Variants in HPD observed in about 807,000 individuals in gnomAD.
The protein encoded by HPD is 4-hydroxyphenylpyruvic acid oxidase.
Under a neutral mutation model 56.9 loss-of-function variants are expected in HPD, and 35 were observed. The ratio of observed to expected loss-of-function variants is 0.62; its 90% CI spans 0.47 to 0.82. The LOEUF is 0.82. HPD is among the 40% of genes least tolerant of loss of function. The pLI, the probability that HPD is intolerant of heterozygous loss-of-function variation, is 0.00. For synonymous variants in HPD, 186 were observed against 200.2 expected (o/e 0.93, Z 0.60); for missense variants, 442 against 506.8 (o/e 0.87, Z 1.23).
intron 3 of HPD, 22 bp downstream of exon 3, chr12:121,857,734 CA>C: frequency 6.2e-7 from 1 of 1,608,530 alleles, no homozygotes; most frequent in Admixed American, 1.7e-5. Context: ...CTGCTCACTC[CA>C]GCACCTTGCC....
At chr12:121,851,063 A>G (rs1877756477) in intron 7 of HPD, among the ~76,000 whole-genome samples, 1 of 151,796 alleles carries the variant, frequency 6.6e-6, no homozygotes. Context: ...GGGTTTCTCC[A>G]TGTTGGTCAG....
chr12:121,841,262 G>A (rs1241431062), intron 12 of HPD, among the ~76,000 whole-genome samples: 1 of 151,786 alleles, frequency 6.6e-6, no homozygotes, highest in Non-Finnish European at 1.5e-5. Flanking sequence ...CCAGCTACTG[G>A]GGAGGCTGAG....
chr12:121,872,166 G>A, the HPD span, among the ~76,000 whole-genome samples: 1 of 149,878 alleles, frequency 6.7e-6, no homozygotes, highest in Non-Finnish European at 1.5e-5. Flanking sequence ...TTGAACCTGG[G>A]AGGCGGAGGT....
chr12:121,868,693 A>G, the HPD span, among the ~76,000 whole-genome samples: 1 of 150,772 alleles, frequency 6.6e-6, no homozygotes, highest in Admixed American at 6.6e-5. Flanking sequence ...GCTAGTTTTT[A>G]TATTTTTATT....
chr12:121,874,669 A>G, the HPD span, among the ~76,000 whole-genome samples: 2 of 152,180 alleles, frequency 1.3e-5, no homozygotes, highest in Non-Finnish European at 2.9e-5. Flanking sequence ...TCCTGCTTCC[A>G]AGATTTTAAG....
upstream of HPD, among the ~76,000 whole-genome samples, chr12:121,862,442 C>T (rs906836255): frequency 6.6e-6 from 1 of 151,750 alleles, no homozygotes; most frequent in Non-Finnish European, 1.5e-5. Context: ...GGATTACAGG[C>T]ATGTGCCACC....
At chr12:121,845,556 G>C (rs969190657) in intron 11 of HPD, among the ~76,000 whole-genome samples, 2 of 147,780 alleles carry the variant, frequency 1.4e-5, no homozygotes, top group African/African-American at 5.1e-5. Context: ...AGCCGAGATC[G>C]CGCCACTGCA....
chr12:121,870,600 T>TTG, the HPD span, among the ~76,000 whole-genome samples: 6 of 150,668 alleles, frequency 4.0e-5, no homozygotes, highest in African/African-American at 1.5e-4. Context: ...TGAAGGTTTT[T>TTG]TTTTTTTTTT....
At chr12:121,880,577 C>A in the HPD span, among the ~76,000 whole-genome samples, 2 of 152,228 alleles carry the variant, frequency 1.3e-5, no homozygotes, top group East Asian at 3.9e-4. Context: ...GGTGATCTAG[C>A]TCATTTGAAT....
At chr12:121,847,584 C>T (rs1877629526) in intron 9 of HPD, among the ~76,000 whole-genome samples, 1 of 152,134 alleles carries the variant, frequency 6.6e-6, no homozygotes, top group Non-Finnish European at 1.5e-5. Context: ...TTCGCCCAGG[C>T]TGGAATGCAG....
At chr12:121,884,496 T>C in the HPD span, among the ~76,000 whole-genome samples, 1 of 151,762 alleles carries the variant, frequency 6.6e-6, no homozygotes, top group Non-Finnish European at 1.5e-5. Context: ...TGTAGAGACG[T>C]AAGTCTTGCT....
In HPD at chr12:121,840,031, C is replaced by T. The variant is rs200240490; in HGVS notation, c.972G>A (p.Val324=). 1.5e-5 allele frequency: 25 copies of T among 1,613,404 alleles called. No homozygotes were observed. In the African/African-American group the frequency reaches 3.1e-4, roughly 20 times the overall value. Residue 324 remains valine (V), a synonymous_variant, in exon 13 of 14, where the codon GTG becomes GTA. Transcript: ENST00000289004. The part of the protein sequence containing the change: ...IDALEELKIL[V]DYDEKGYLLQ... ...GGAGGTAGCCTTTCTCGTCGTAGTC[C>T]ACCAGGATTTTCAGCTCCTAGGCGG...
chr12:121,841,686 C>CT (rs777692770), intron 12 of HPD, among the ~76,000 whole-genome samples: 372 of 146,326 alleles, frequency 2.5e-3, no homozygotes, highest in Admixed American at 4.0e-3. Flanking sequence ...TTTGTGATTC[C>CT]TTTTTTTTTT....
At chr12:121,869,757 TCA>T in the HPD span, among the ~76,000 whole-genome samples, 3 of 152,092 alleles carry the variant, frequency 2.0e-5, no homozygotes, top group Non-Finnish European at 2.9e-5. Flanking sequence ...ACTCCTGACC[TCA>T]AGTGATCCAC....
chr12:121,845,576 G>A (rs1446204372), intron 11 of HPD, among the ~76,000 whole-genome samples: 2 of 147,848 alleles, frequency 1.4e-5, no homozygotes, highest in Non-Finnish European at 3.0e-5. Context: ...ACTCCAGCCT[G>A]GGCGACAGAG....
chr12:121,879,758 G>T, the HPD span, among the ~76,000 whole-genome samples: 1 of 152,136 alleles, frequency 6.6e-6, no homozygotes, highest in Non-Finnish European at 1.5e-5. Flanking sequence ...TGATACTTAT[G>T]CTAATTTTTT....
chr12:121,883,435 G>A, the HPD span, among the ~76,000 whole-genome samples: 1 of 151,928 alleles, frequency 6.6e-6, no homozygotes, highest in African/African-American at 2.4e-5. Flanking sequence ...GGAAGAGGTG[G>A]CGGGGTAGGA....
chr12:121,857,586 G>A (rs577243606), intron 3 of HPD, 154 bp from the exon 4 acceptor site: 1 of 823,652 alleles, frequency 1.2e-6, no homozygotes, highest in African/African-American at 1.7e-5. Flanking sequence ...TGCACATTTT[G>A]CTGACAGATA....
intron 6 of HPD, 131 bp downstream of exon 6, chr12:121,856,193 T>G: frequency 1.3e-6 from 1 of 762,516 alleles, no homozygotes; most frequent in Non-Finnish European, 2.4e-6. Context: ...ATGCAGCATC[T>G]GAGCTTGTCA....
Sources: allele counts gnomAD v4.1 joint callset (sites outside exome capture counted in the v4.1 genomes callset), GRCh38; gene constraint gnomAD v4.1.1; transcripts MANE v1.5; gene names NCBI Gene and HGNC (gene_info 2026-07-23, HGNC 2026-07-21).